RNLS: variants seen among roughly 807,000 people sequenced by gnomAD.
RNLS encodes the protein renalase, FAD dependent amine oxidase, also known as renalase.
A neutral mutation model predicts 39.8 loss-of-function variants in RNLS; 39 were observed. That is an observed-to-expected ratio of 0.98 (90% CI 0.76 to 1.28). RNLS has a LOEUF of 1.28. RNLS is among the 50% of genes most tolerant of loss of function. RNLS has a pLI of 0.00. For synonymous variants in RNLS, 147 were observed against 150.7 expected, an observed-to-expected ratio of 0.98 and a Z score of 0.18; for missense variants, 410 against 413.3, an observed-to-expected ratio of 0.99 and a Z score of 0.07.
At chr10:88,401,623 G>C (rs1300906221) in intron 4 of RNLS, among the ~76,000 whole-genome samples, 1 of 151,966 alleles carries the variant, frequency 6.6e-6, no homozygotes, top group African/African-American at 2.4e-5. Flanking sequence ...CACACAAAAT[G>C]ATGTCTTATA....
chr10:88,396,007 A>T (rs1933990144), intron 4 of RNLS, among the ~76,000 whole-genome samples: 1 of 152,150 alleles, frequency 6.6e-6, no homozygotes, highest in African/African-American at 2.4e-5. Context: ...TTCAGAAATG[A>T]AGGAGAAATC....
At chr10:88,240,910 T>C in the RNLS span, among the ~76,000 whole-genome samples, 1 of 151,912 alleles carries the variant, frequency 6.6e-6, no homozygotes, top group South Asian at 2.1e-4. Context: ...GATTTTTTTT[T>C]TCAAAAAATC....
At chr10:88,379,304 C>T (rs1564748470) in intron 4 of RNLS, among the ~76,000 whole-genome samples, 1 of 152,050 alleles carries the variant, frequency 6.6e-6, no homozygotes, top group South Asian at 2.1e-4. Context: ...GCAGAGTGTA[C>T]AAAATAAATA....
chr10:88,286,421 T>C (rs147676698), intron 6 of RNLS, among the ~76,000 whole-genome samples: 5 of 152,236 alleles, frequency 3.3e-5, no homozygotes, highest in African/African-American at 7.2e-5. Context: ...GGATGGATGA[T>C]GGCTAATAAG....
chr10:88,291,154 ATACTC>A (rs1266439111), intron 6 of RNLS, among the ~76,000 whole-genome samples: 14 of 152,176 alleles, frequency 9.2e-5, no homozygotes, highest in Non-Finnish European at 1.5e-5. Flanking sequence ...GGGACAGTAA[ATACTC>A]TACAGTTTCT....
At chr10:88,267,741 A>G in the RNLS span, among the ~76,000 whole-genome samples, 2 of 152,158 alleles carry the variant, frequency 1.3e-5, no homozygotes, top group Non-Finnish European at 2.9e-5. Context: ...GTTAGGGTGC[A>G]TTTTTAAAAA....
chr10:88,574,507 C>T (rs911738894), intron 3 of RNLS, among the ~76,000 whole-genome samples: 4 of 152,172 alleles, frequency 2.6e-5, no homozygotes, highest in African/African-American at 9.7e-5. Context: ...TATCTGCATG[C>T]TTTAGTTGTA....
chr10:88,247,267 G>A, the RNLS span, among the ~76,000 whole-genome samples: 1 of 152,152 alleles, frequency 6.6e-6, no homozygotes, highest in Non-Finnish European at 1.5e-5. Context: ...AGAGGGGGCT[G>A]GCCTCATTTG....
At chr10:88,404,407 T>C (rs1853136873) in intron 4 of RNLS, among the ~76,000 whole-genome samples, 1 of 152,050 alleles carries the variant, frequency 6.6e-6, no homozygotes. Flanking sequence ...AATTCAGATA[T>C]TACCACCTCT....
At chr10:88,485,998 T>C (rs1844489002) in intron 4 of RNLS, among the ~76,000 whole-genome samples, 1 of 152,078 alleles carries the variant, frequency 6.6e-6, no homozygotes, top group Non-Finnish European at 1.5e-5. Context: ...TAAAAATTTT[T>C]ATTTTTTAAA....
At chr10:88,377,908 C>A (rs892359574) in intron 4 of RNLS, among the ~76,000 whole-genome samples, 1 of 152,090 alleles carries the variant, frequency 6.6e-6, no homozygotes, top group Non-Finnish European at 1.5e-5. Flanking sequence ...TAGCTTAAAA[C>A]ACACATTGCA....
At chr10:88,364,346 AATT>A (rs1849879812) in intron 4 of RNLS, among the ~76,000 whole-genome samples, 1 of 152,176 alleles carries the variant, frequency 6.6e-6, no homozygotes, top group African/African-American at 2.4e-5. Context: ...GGATTCAATA[AATT>A]ATTATAGCAC....
At chr10:88,171,857 C>T in the RNLS span, among the ~76,000 whole-genome samples, 1 of 152,126 alleles carries the variant, frequency 6.6e-6, no homozygotes, top group Non-Finnish European at 1.5e-5. Context: ...CTACCCTTCC[C>T]ATCCTCTAAT....
intron 3 of RNLS, among the ~76,000 whole-genome samples, chr10:88,577,794 A>ATGCTTTCTTCTTG (rs1481731829): frequency 1.3e-5 from 2 of 152,212 alleles, no homozygotes; most frequent in Non-Finnish European, 2.9e-5. Context: ...ATTAAAATAG[A>ATGCTTTCTTCTTG]ACATAAGGTC....
At chr10:88,573,122 G>A (rs934209406) in intron 3 of RNLS, 61 bp from the exon 4 acceptor site, 3 of 1,517,350 alleles carry the variant, frequency 2.0e-6, no homozygotes, top group Non-Finnish European at 2.7e-6. Context: ...TAAAGGGGAT[G>A]TGAGTAGTCA....
At chr10:88,376,792 G>GGTAAA (rs1279885339) in intron 4 of RNLS, among the ~76,000 whole-genome samples, 3 of 151,832 alleles carry the variant, frequency 2.0e-5, no homozygotes, top group Non-Finnish European at 4.4e-5. Context: ...AAATATTGTG[G>GGTAAA]GTAAAGTAAA....
At chr10:88,265,848 T>C in the RNLS span, among the ~76,000 whole-genome samples, 2 of 152,210 alleles carry the variant, frequency 1.3e-5, no homozygotes, top group Non-Finnish European at 2.9e-5. Context: ...TCTTTCCCTT[T>C]TGAGTAATAG....
the RNLS span, among the ~76,000 whole-genome samples, chr10:88,206,666 C>T: frequency 2.7e-4 from 41 of 152,234 alleles, no homozygotes; most frequent in Non-Finnish European, 4.1e-4. Context: ...TTGGTTGCTG[C>T]GGTAGATTGC....
chr10:88,444,097 C>T lies in RNLS; in HGVS notation c.527-81372G>A, dbSNP rs549894646. Among the ~76,000 whole-genome samples, 457 of 152,322 alleles carry T rather than the reference C, an allele frequency of 3.0e-3. 1 individual carries two copies. Among genetic ancestry groups the T allele is most frequent in the African/African-American group, 0.01 (434 of 41,582 alleles). ...AGTAGGGGAAGACTGACACCTCACA[C>T]GGCTGGGTACCCCTCTGAGATGAAA... On this transcript the variant is annotated intron_variant, in intron 4 of 6. Transcript: ENST00000331772.
Sources: allele counts gnomAD v4.1 joint callset (sites outside exome capture counted in the v4.1 genomes callset), GRCh38; gene constraint gnomAD v4.1.1; transcripts MANE v1.5; gene names NCBI Gene and HGNC (gene_info 2026-07-23, HGNC 2026-07-21).